TSC22D1: variants seen among roughly 807,000 people sequenced by gnomAD.
The protein encoded by TSC22D1 is TSC22 domain family protein 1.
Under a neutral mutation model 74.2 loss-of-function variants are expected in TSC22D1, and 9 were observed. The ratio of observed to expected loss-of-function variants is 0.12; its 90% CI spans 0.07 to 0.21. TSC22D1 has a LOEUF of 0.21. Among genes scored for constraint, TSC22D1 ranks in the 10% least tolerant of loss-of-function variants. The probability of loss-of-function intolerance (pLI) is 1.00; values close to 1 mark genes in which losing one functional copy is unlikely to be tolerated. For missense variants in TSC22D1, 1,427 were observed against 1,304.7 expected (o/e 1.09, Z -1.44); for synonymous variants, 586 against 492.5 (o/e 1.19, Z -2.51).
chr13:44,456,472 A>C (rs1876655282), intron 1 of TSC22D1, among the ~76,000 whole-genome samples: 1 of 152,128 alleles, frequency 6.6e-6, no homozygotes, highest in South Asian at 2.1e-4. Context: ...TGGTGCGTTT[A>C]CAAACCTTTA....
At chr13:44,468,063 C>A (rs968767011) in intron 1 of TSC22D1, among the ~76,000 whole-genome samples, 1 of 152,016 alleles carries the variant, frequency 6.6e-6, no homozygotes, top group Non-Finnish European at 1.5e-5. Context: ...AAAATAATAT[C>A]TTTTGCAGCA....
At chr13:44,517,333 A>AACAC (rs3046042) in intron 1 of TSC22D1, among the ~76,000 whole-genome samples, 15,684 of 148,688 alleles carry the variant, frequency 0.11, 931 homozygotes, top group Non-Finnish European at 0.14. Flanking sequence ...ACAAAAACAA[A>AACAC]ACACACACAC....
chr13:44,516,761 A>G (rs1279140219), intron 1 of TSC22D1, among the ~76,000 whole-genome samples: 3 of 152,184 alleles, frequency 2.0e-5, no homozygotes, highest in Admixed American at 6.5e-5. Context: ...AGGATTTTTA[A>G]AAGTTAAATT....
intron 1 of TSC22D1, among the ~76,000 whole-genome samples, chr13:44,570,965 A>C (rs1937932650): frequency 6.6e-6 from 1 of 152,196 alleles, no homozygotes; most frequent in African/African-American, 2.4e-5. Context: ...ACAATAAAGA[A>C]TATAATATAT....
intron 1 of TSC22D1, among the ~76,000 whole-genome samples, chr13:44,494,314 T>C (rs1878859140): frequency 7.8e-6 from 1 of 128,304 alleles, no homozygotes; most frequent in African/African-American, 3.0e-5. Flanking sequence ...AGGTGGAGGT[T>C]GCAGTGAGCC....
intron 1 of TSC22D1, among the ~76,000 whole-genome samples, chr13:44,481,541 A>G (rs771025467): frequency 6.6e-6 from 1 of 152,238 alleles, no homozygotes; most frequent in Non-Finnish European, 1.5e-5. Context: ...CAGTCAGTGT[A>G]ATAACTGTGA....
chr13:44,553,629 T>C (rs926602963), intron 1 of TSC22D1, among the ~76,000 whole-genome samples: 20 of 152,148 alleles, frequency 1.3e-4, no homozygotes, highest in African/African-American at 4.8e-4. Context: ...AATGGTTCTA[T>C]TTTAGAGTAT....
At chr13:44,534,610 C>G (rs968398518) in intron 1 of TSC22D1, among the ~76,000 whole-genome samples, 2 of 152,022 alleles carry the variant, frequency 1.3e-5, no homozygotes, top group Admixed American at 6.6e-5. Context: ...TTAATATTCC[C>G]TAGAGAATAA....
At chr13:44,459,930 T>C (rs910122822) in intron 1 of TSC22D1, among the ~76,000 whole-genome samples, 5 of 152,074 alleles carry the variant, frequency 3.3e-5, no homozygotes, top group Non-Finnish European at 7.4e-5. Flanking sequence ...TTGGCAGGCA[T>C]GGGATCCAGG....
intron 1 of TSC22D1, among the ~76,000 whole-genome samples, chr13:44,544,583 A>G (rs921720399): frequency 6.6e-6 from 1 of 151,766 alleles, no homozygotes; most frequent in Non-Finnish European, 1.5e-5. Context: ...TCTGAACTTA[A>G]GGGGCTGAAT....
At chr13:44,565,107 AC>A (rs1161117209) in intron 1 of TSC22D1, among the ~76,000 whole-genome samples, 2 of 152,188 alleles carry the variant, frequency 1.3e-5, no homozygotes, top group African/African-American at 4.8e-5. Flanking sequence ...AGATGACTTT[AC>A]CCGTCTAAGG....
chr13:44,469,280 T>C (rs1877463990), intron 1 of TSC22D1, among the ~76,000 whole-genome samples: 1 of 152,208 alleles, frequency 6.6e-6, no homozygotes, highest in Non-Finnish European at 1.5e-5. Flanking sequence ...AGTACAGTTT[T>C]TAATCCAAAA....
intron 1 of TSC22D1, 47 bp downstream of exon 1, chr13:44,573,116 T>C: frequency 6.3e-7 from 1 of 1,582,038 alleles, no homozygotes; most frequent in Non-Finnish European, 8.6e-7. Context: ...CTAAATAGAT[T>C]AACTTCAAAT....
At position 44,434,723 on chromosome 13, in the gene TSC22D1, T is replaced by C; in HGVS notation, c.3125A>G (p.Gln1042Arg). ...GGCAGGGGGGGAGCCAGTCTGCAGC[T>C]GGGCCTGAAACTGGGCAAGCTGCTC... The part of the protein sequence containing the change: ...SPEQLAQFQA[Q>R]LQTGSPPATT... Residue 1042 changes from glutamine to arginine, a missense_variant, in exon 3 of 3, where the codon CAG (glutamine) becomes CGG (arginine). By Grantham distance (43) the Gln-to-Arg change is conservative. Transcript: ENST00000458659. The C allele has an allele frequency of 6.2e-7, 1 of 1,613,330 alleles. No homozygotes were observed. The highest frequency in any genetic ancestry group is 8.5e-7 in the Non-Finnish European group (1 of 1,179,902).
chr13:44,551,762 A>G (rs1246056749), intron 1 of TSC22D1, among the ~76,000 whole-genome samples: 1 of 151,950 alleles, frequency 6.6e-6, no homozygotes, highest in Non-Finnish European at 1.5e-5. Context: ...TAGGCTGGGT[A>G]CAGTGGTTCA....
chr13:44,539,902 C>A, intron 1 of TSC22D1: 1 of 1,289,698 alleles, frequency 7.8e-7, no homozygotes, highest in African/African-American at 1.5e-5. Context: ...TCACTCCTTG[C>A]ACCTCTGGTA....
Position 44,504,137 on chromosome 13 carries a change from GAAA to G in TSC22D1, c.2913-68045_2913-68043del, listed in dbSNP as rs749880595. The stretch of plus-strand genomic sequence containing the variant: ...CAAAGCCCCTGTAAAATGTACAAAT[GAAA>G]AAAAAAAAAAAAACTACTTGACTTG... On this transcript the variant is annotated intron_variant, in intron 1 of 2. Transcript: ENST00000458659. Among the ~76,000 whole-genome samples the G allele has an allele frequency of 3.7e-5, 3 of 80,422 alleles. No homozygotes were observed. The East Asian group carries it at 1.2e-3, about 32-fold the overall frequency. The allele number at this position is 80,422 out of a possible 152,430, so 52.8% of individuals were successfully genotyped here.
chr13:44,491,895 A>T (rs952928511), intron 1 of TSC22D1, among the ~76,000 whole-genome samples: 2 of 152,244 alleles, frequency 1.3e-5, no homozygotes, highest in African/African-American at 4.8e-5. Flanking sequence ...TGTAAAGCTG[A>T]ACATGTATAT....
intron 1 of TSC22D1, among the ~76,000 whole-genome samples, chr13:44,484,689 C>T (rs370989871): frequency 1.3e-5 from 2 of 152,132 alleles, no homozygotes; most frequent in Admixed American, 1.3e-4. Context: ...ATAGGCCACA[C>T]CACAGAATAA....
Sources: allele counts gnomAD v4.1 joint callset (sites outside exome capture counted in the v4.1 genomes callset), GRCh38; gene constraint gnomAD v4.1.1; transcripts MANE v1.5; gene names NCBI Gene and HGNC (gene_info 2026-07-23, HGNC 2026-07-21).